The following PPM1E variants were observed in gnomAD, a reference collection of about 807,000 sequenced individuals.
The protein encoded by PPM1E is protein phosphatase, Mg2+/Mn2+ dependent 1E.
Under a neutral mutation model 65.9 loss-of-function variants are expected in PPM1E, and 20 were observed. The observed-to-expected ratio is 0.30, with a 90% CI of 0.21 to 0.44. The LOEUF is 0.44. PPM1E is among the 20% of genes least tolerant of loss of function. The pLI is 1.00. For synonymous variants in PPM1E, 352 were observed against 374.9 expected (o/e 0.94, Z 0.70); for missense variants, 713 against 953.1 (o/e 0.75, Z 3.32).
chr17:58,910,791 C>G (rs562845969), intron 1 of PPM1E, among the ~76,000 whole-genome samples: 35 of 152,270 alleles, frequency 2.3e-4, no homozygotes, highest in Middle Eastern at 6.8e-3. Flanking sequence ...GGGTATTGCC[C>G]TTCCCCTAGG....
rs1449994134 is a variant in PPM1E, at chr17:58,984,995, C to T, written c.*3964C>T. 3 of 152,576 alleles carry T rather than the reference C, an allele frequency of 2.0e-5. No individual in the cohort carries two copies. Among genetic ancestry groups the T allele is most frequent in the Admixed American group, 6.6e-5 (1 of 15,260 alleles). 9.5% of individuals were successfully genotyped at this position (152,576 alleles called of 1,614,324 possible). On this transcript the variant is annotated 3_prime_UTR_variant, in exon 7 of 7. Transcript: ENST00000308249. ...GCAAAGAATTCTCTATGGAGTGAAG[C>T]GAATGAAGTGAATAATTTCTTACCA...
chr17:58,910,890 TC>T (rs777708463), intron 1 of PPM1E, among the ~76,000 whole-genome samples: 117 of 152,302 alleles, frequency 7.7e-4, no homozygotes, highest in African/African-American at 2.6e-3. Flanking sequence ...AAGAGGGTGC[TC>T]TGCCGCATTT....
Position 58,980,092 on chromosome 17 carries a change from T to C in PPM1E, c.1329T>C (p.Pro443=). Residue 443 remains proline (P), a synonymous_variant, in exon 7 of 7, where the codon CCT becomes CCC. Coordinates refer to ENST00000308249, the MANE Select transcript of PPM1E (RefSeq NM_014906.5). The surrounding 1 kb of genome is among the most constrained non-coding windows in gnomAD (Gnocchi z 4.7). Reference sequence around the variant, plus strand: ...ATGGCTTCTATGACACCGTGAACCCTGATGAGGCAGTGAAAGTTGTGTCCG... The same window carrying C: ...ATGGCTTCTATGACACCGTGAACCCCGATGAGGCAGTGAAAGTTGTGTCCG... ...ACDGFYDTVN[P]DEAVKVVSDH... is the part of the protein sequence containing the mutation. 6.2e-7 allele frequency: 1 copy of C among 1,614,084 alleles called. No individual in the cohort carries two copies. The highest frequency in any genetic ancestry group is 1.1e-5 in the South Asian group (1 of 91,064).
At chr17:58,876,909 G>A (rs998222559) in intron 1 of PPM1E, among the ~76,000 whole-genome samples, 1 of 151,936 alleles carries the variant, frequency 6.6e-6, no homozygotes, top group Non-Finnish European at 1.5e-5. Flanking sequence ...TCAGCCTCCC[G>A]AGTAGCTGGG....
intron 1 of PPM1E, among the ~76,000 whole-genome samples, chr17:58,816,249 C>T (rs1017443581): frequency 1.3e-5 from 2 of 152,148 alleles, no homozygotes; most frequent in African/African-American, 4.8e-5. Flanking sequence ...TGGTCTCAAA[C>T]TCCTGACCTT....
At chr17:58,919,436 T>TGC (rs2051724379) in intron 1 of PPM1E, among the ~76,000 whole-genome samples, 2 of 152,192 alleles carry the variant, frequency 1.3e-5, no homozygotes, top group Non-Finnish European at 1.5e-5. Context: ...TAAGTGTCAA[T>TGC]GACATAACTA....
rs532902178 is a variant in PPM1E, at chr17:58,906,269, G to A, written c.465-49380G>A. Among the ~76,000 whole-genome samples, 22 of 152,178 alleles carry A rather than the reference G, an allele frequency of 1.4e-4. No homozygotes were observed. The South Asian group carries it at 3.3e-3, about 23-fold the overall frequency. On this transcript the variant is annotated intron_variant, in intron 1 of 6. Transcript: ENST00000308249. The stretch of plus-strand genomic sequence containing the variant: ...TAGTTAGCCTGGCTAGAGGCTTATC[G>A]ATTTTATTGACTCTTTCAAAGAACC...
In PPM1E at chr17:58,937,892, A is replaced by AAAAAAAAAAAG. The variant is rs57965915; in HGVS notation, c.465-17754_465-17753insAAAAAAAGAAA. Reference sequence around the variant, plus strand: ...GAGACTCCATCTCAAAAAAAAAAAAAAAAGAAAGAAAGAAAAGAAAGAAAG... The same window carrying AAAAAAAAAAAG: ...GAGACTCCATCTCAAAAAAAAAAAAAAAAAAAAAAAGAAAGAAAGAAAGAAAAGAAAGAAAG... On this transcript the variant is annotated intron_variant, in intron 1 of 6. Coordinates refer to ENST00000308249, the MANE Select transcript of PPM1E (RefSeq NM_014906.5). Among the ~76,000 whole-genome samples the AAAAAAAAAAAG allele has an allele frequency of 2.2e-3, 286 of 129,672 alleles. 1 individual carries two copies. The highest frequency in any genetic ancestry group is 2.6e-3 in the Non-Finnish European group (167 of 63,256). 85.1% of individuals were successfully genotyped at this position (129,672 alleles called of 152,430 possible).
intron 1 of PPM1E, among the ~76,000 whole-genome samples, chr17:58,908,285 T>C (rs1044458994): frequency 2.6e-5 from 4 of 152,008 alleles, no homozygotes; most frequent in Non-Finnish European, 4.4e-5. Flanking sequence ...TTCATCATGT[T>C]GGCCAGATTG....
At chr17:58,942,262 T>G (rs1439195563) in intron 1 of PPM1E, among the ~76,000 whole-genome samples, 1 of 151,990 alleles carries the variant, frequency 6.6e-6, no homozygotes, top group African/African-American at 2.4e-5. Context: ...GGCTTGCACC[T>G]GTAGTCGTAG....
intron 1 of PPM1E, among the ~76,000 whole-genome samples, chr17:58,876,135 C>A (rs2051124142): frequency 6.6e-6 from 1 of 151,978 alleles, no homozygotes; most frequent in African/African-American, 2.4e-5. Context: ...AAGGAAGAAC[C>A]CAAAATGCTA....
intron 1 of PPM1E, among the ~76,000 whole-genome samples, chr17:58,797,957 A>G (rs1278305305): frequency 6.6e-6 from 1 of 152,208 alleles, no homozygotes; most frequent in East Asian, 1.9e-4. Flanking sequence ...AAATAAATAA[A>G]TAAAACTTGG....
intron 2 of PPM1E, among the ~76,000 whole-genome samples, chr17:58,956,178 C>T (rs769500704): frequency 2.6e-5 from 4 of 152,098 alleles, no homozygotes; most frequent in African/African-American, 9.7e-5. Context: ...GGCTCACACC[C>T]GTAATCCCAG....
chr17:58,922,175 G>T (rs929238261), intron 1 of PPM1E, among the ~76,000 whole-genome samples: 1 of 150,874 alleles, frequency 6.6e-6, no homozygotes. Context: ...GAGAAGAGTT[G>T]ATTTTTTTTT....
chr17:58,883,937 CA>C (rs1004487239), intron 1 of PPM1E, among the ~76,000 whole-genome samples: 1 of 149,614 alleles, frequency 6.7e-6, no homozygotes, highest in African/African-American at 2.5e-5. Context: ...CCAAATTTAC[CA>C]AAAAAAAATA....
At chr17:58,926,434 A>T (rs377057436) in intron 1 of PPM1E, among the ~76,000 whole-genome samples, 1 of 151,900 alleles carries the variant, frequency 6.6e-6, no homozygotes, top group East Asian at 1.9e-4. Flanking sequence ...GCTTTTCATT[A>T]TAACTCCCTT....
At chr17:58,930,022 T>A (rs1387344060) in intron 1 of PPM1E, among the ~76,000 whole-genome samples, 4 of 152,152 alleles carry the variant, frequency 2.6e-5, no homozygotes, top group Non-Finnish European at 4.4e-5. Context: ...GAAAATTTAC[T>A]TGTTTTGTTT....
intron 1 of PPM1E, among the ~76,000 whole-genome samples, chr17:58,783,255 A>G (rs1197528101): frequency 6.6e-6 from 1 of 152,252 alleles, no homozygotes; most frequent in Non-Finnish European, 1.5e-5. Context: ...TGTAGCAACA[A>G]GGAGTTAACA....
At chr17:58,794,494 A>G (rs1039894460) in intron 1 of PPM1E, among the ~76,000 whole-genome samples, 7 of 152,146 alleles carry the variant, frequency 4.6e-5, no homozygotes, top group South Asian at 2.1e-4. Context: ...TTTGGTGTAC[A>G]GATTATTTCA....
Sources: gnomAD v4.1 joint callset for allele counts (sites outside exome capture counted in the v4.1 genomes callset) on GRCh38, gnomAD v4.1.1 for gene constraint, Gnocchi (gnomAD v3.1) non-coding constraint, MANE v1.5 for transcripts, NCBI Gene and HGNC (gene_info 2026-07-23, HGNC 2026-07-21) for gene names.